Variants in RERE observed in about 807,000 individuals in gnomAD.
RERE encodes arginine-glutamic acid dipeptide repeats protein.
RERE carries 40 observed loss-of-function variants against 146.1 expected under a neutral mutation model. That is an observed-to-expected ratio of 0.27 (90% CI 0.21 to 0.36). RERE has a LOEUF of 0.36. Among genes scored for constraint, RERE ranks in the 10% least tolerant of loss-of-function variants. The pLI, the probability that RERE is intolerant of heterozygous loss-of-function variation, is 1.00. For synonymous variants in RERE, 1,003 were observed against 866.0 expected (o/e 1.16, Z -2.78); for missense variants, 1,933 against 2,138.7 (o/e 0.90, Z 1.90).
intron 18 of RERE, 55 bp downstream of exon 18, chr1:8,360,057 T>C: frequency 1.2e-6 from 1 of 865,882 alleles, no homozygotes; most frequent in East Asian, 4.6e-5. Flanking sequence ...CCACCAGAAC[T>C]TGCCCCCACC....
At chr1:8,577,880 G>A (rs568652984) in intron 4 of RERE, among the ~76,000 whole-genome samples, 4 of 152,298 alleles carry the variant, frequency 2.6e-5, no homozygotes, top group East Asian at 3.9e-4. Context: ...ATCACCTGAC[G>A]TCAGGAGTTT....
chr1:8,380,515 ATTT>A (rs1642408644), intron 12 of RERE, among the ~76,000 whole-genome samples: 1 of 151,964 alleles, frequency 6.6e-6, no homozygotes, highest in South Asian at 2.1e-4. Flanking sequence ...CACCTGGCTA[ATTT>A]TTGTATTTTT....
rs555775968 is a variant in RERE at position 8,553,894 on chromosome 1, T to G, written c.725+2581A>C. 1.8e-4 allele frequency among the ~76,000 whole-genome samples: 28 copies of G among 152,238 alleles called. No homozygotes were observed. The South Asian group carries it at 5.8e-3, about 32-fold the overall frequency. The stretch of plus-strand genomic sequence containing the variant: ...CTTCTAAAAATGCTAAAGATAAAAA[T>G]GGGCCAGACGTGGTGGCTCATGCCT... On this transcript the variant is annotated intron_variant, in intron 6 of 22. Transcript: ENST00000400908.
rs1640659939 is a variant in RERE, at chr1:8,757,154, G to A, written c.-145+60006C>T. Among the ~76,000 whole-genome samples the A allele has an allele frequency of 2.0e-5, 3 of 147,896 alleles. No individual in the cohort carries two copies. In the South Asian group the frequency reaches 6.4e-4, roughly 31 times the overall value. On this transcript the variant is annotated intron_variant, in intron 1 of 22. Coordinates refer to ENST00000400908, the MANE Select transcript of RERE (RefSeq NM_001042681.2). ...TCTGATGGCACTCATAAAGATGGAAGATAATGAAGCTACTTGTCATTCAAC... is the reference window on the plus strand; with the variant it reads ...TCTGATGGCACTCATAAAGATGGAAAATAATGAAGCTACTTGTCATTCAAC...
intron 7 of RERE, among the ~76,000 whole-genome samples, chr1:8,521,709 G>C (rs1046999197): frequency 3.9e-5 from 6 of 152,126 alleles, no homozygotes; most frequent in Admixed American, 2.6e-4. Context: ...GGAACCTGTC[G>C]AATGTCACCG....
Position 8,364,803 on chromosome 1 carries a change from T to G in RERE, c.1483A>C (p.Ser495Arg). The change falls in exon 14 of 23, where the codon AGT (serine) becomes CGT (arginine). Residue 495 changes from serine (S) to arginine (R), a missense_variant. Transcript: ENST00000400908. This position sits in a 1 kb window ranked among gnomAD's most constrained non-coding sequence, Gnocchi z 5.1. Reference sequence around the variant, plus strand: ...TTCAGCTCCTGCTCACTGTCCTCACTGTCGAAGTCATCTTCACTGGCTGAA... The same window carrying G: ...TTCAGCTCCTGCTCACTGTCCTCACGGTCGAAGTCATCTTCACTGGCTGAA... ...LSSASEDDFD[S>R]EDSEQELKGY... The G allele has an allele frequency of 6.2e-7, 1 of 1,613,656 alleles. No homozygotes were observed. The highest frequency in any genetic ancestry group is 8.5e-7 in the Non-Finnish European group (1 of 1,179,948).
rs142273829 is a variant in RERE at position 8,671,992 on chromosome 1, G to A, written c.-144-15551C>T. 3.4e-4 allele frequency among the ~76,000 whole-genome samples: 51 copies of A among 152,186 alleles called. No individual in the cohort carries two copies. The South Asian group carries it at 8.3e-3, about 25-fold the overall frequency. ...TAGATTTAGAAAAAACATCTCAGCC[G>A]GGCGTGGTGGCTCATCCCTAAAATT... On this transcript the variant is annotated intron_variant, in intron 1 of 22. Transcript: ENST00000400908.
intron 1 of RERE, among the ~76,000 whole-genome samples, chr1:8,816,032 A>C (rs1311576764): frequency 6.6e-6 from 1 of 152,176 alleles, no homozygotes; most frequent in Non-Finnish European, 1.5e-5. Context: ...ATCAACCCAA[A>C]GATGATTTTA....
At chr1:8,482,542 C>T (rs1353307009) in intron 10 of RERE, among the ~76,000 whole-genome samples, 4 of 151,334 alleles carry the variant, frequency 2.6e-5, no homozygotes, top group Non-Finnish European at 5.9e-5. Context: ...ATTAGCCGGG[C>T]GTGGTGGCAG....
chr1:8,443,459 GAAAA>G (rs144499944), intron 11 of RERE, among the ~76,000 whole-genome samples: 5 of 112,778 alleles, frequency 4.4e-5, no homozygotes, highest in African/African-American at 1.3e-4. Flanking sequence ...CTCAAAAAAA[GAAAA>G]AAAAAAAAAA....
intron 12 of RERE, among the ~76,000 whole-genome samples, chr1:8,420,839 G>T (rs1265185382): frequency 6.6e-6 from 1 of 152,162 alleles, no homozygotes; most frequent in African/African-American, 2.4e-5. Context: ...GACAACCAGA[G>T]AACTAGCTCA....
chr1:8,590,175 A>C (rs547022326), intron 4 of RERE, among the ~76,000 whole-genome samples: 22 of 152,284 alleles, frequency 1.4e-4, no homozygotes, highest in Non-Finnish European at 3.1e-4. Flanking sequence ...TCAGATGATA[A>C]TCAGTGCCAT....
chr1:8,471,961 G>A (rs1054433014), intron 10 of RERE, among the ~76,000 whole-genome samples: 2 of 152,098 alleles, frequency 1.3e-5, no homozygotes, highest in Admixed American at 6.6e-5. Flanking sequence ...ACAGGCGCAC[G>A]TCACCACGCC....
intron 1 of RERE, among the ~76,000 whole-genome samples, chr1:8,667,126 A>G (rs1338333760): frequency 6.6e-6 from 1 of 152,176 alleles, no homozygotes; most frequent in Non-Finnish European, 1.5e-5. Flanking sequence ...AACTGAGAGA[A>G]CTAAGATTAA....
chr1:8,626,591 C>T (rs1442547364), intron 2 of RERE, among the ~76,000 whole-genome samples: 1 of 152,206 alleles, frequency 6.6e-6, no homozygotes. Context: ...AGATAAACCC[C>T]TCTCTGACCA....
At chr1:8,707,948 ATT>A (rs1407810476) in intron 1 of RERE, among the ~76,000 whole-genome samples, 1 of 150,662 alleles carries the variant, frequency 6.6e-6, no homozygotes, top group Non-Finnish European at 1.5e-5. Flanking sequence ...ATTACAATGT[ATT>A]GTTATAATTG....
chr1:8,506,692 T>A (rs762906031), intron 8 of RERE, among the ~76,000 whole-genome samples: 4 of 152,124 alleles, frequency 2.6e-5, no homozygotes, highest in Non-Finnish European at 5.9e-5. Flanking sequence ...CATGACCCAA[T>A]CCATGGCAAC....
chr1:8,639,262 C>A (rs1156611035), intron 2 of RERE, among the ~76,000 whole-genome samples: 1 of 152,146 alleles, frequency 6.6e-6, no homozygotes, highest in Admixed American at 6.5e-5. Flanking sequence ...GATGCCACAG[C>A]ACTTAGAATC....
At chr1:8,439,084 C>T (rs1644210948) in intron 11 of RERE, among the ~76,000 whole-genome samples, 1 of 152,220 alleles carries the variant, frequency 6.6e-6, no homozygotes, top group South Asian at 2.1e-4. Context: ...GCTCCAGCCC[C>T]AGGTTGCCAG....
Sources: allele counts gnomAD v4.1 joint callset (sites outside exome capture counted in the v4.1 genomes callset), GRCh38; gene constraint gnomAD v4.1.1; non-coding constraint Gnocchi (gnomAD v3.1); transcripts MANE v1.5; gene names NCBI Gene and HGNC (gene_info 2026-07-23, HGNC 2026-07-21).